The following PCDHA3 variants were observed in gnomAD, a reference collection of about 807,000 sequenced individuals.
PCDHA3 encodes the protein protocadherin alpha-3.
Under a neutral mutation model 62.2 loss-of-function variants are expected in PCDHA3, and 41 were observed. The observed-to-expected ratio is 0.66, with a 90% CI of 0.51 to 0.86. The LOEUF (loss-of-function observed/expected upper bound fraction) is 0.86, where lower values mean the gene tolerates loss of function less well. Ranked by LOEUF, PCDHA3 falls within the 40% of genes least tolerant of loss-of-function variation. The pLI, the probability that PCDHA3 is intolerant of heterozygous loss-of-function variation, is 0.00. For missense variants in PCDHA3, 1,304 were observed against 1,241.2 expected, an observed-to-expected ratio of 1.05 and a Z score of -0.76; for synonymous variants, 640 against 555.4, an observed-to-expected ratio of 1.15 and a Z score of -2.14.
intron 1 of PCDHA3, among the ~76,000 whole-genome samples, chr5:140,965,644 G>A (rs201197561): frequency 6.6e-6 from 1 of 152,028 alleles, no homozygotes; most frequent in African/African-American, 2.4e-5. Flanking sequence ...AATTACTCTT[G>A]AAAGAAAATG....
chr5:140,857,133 C>T, intron 1 of PCDHA3: 3 of 1,598,212 alleles, frequency 1.9e-6, no homozygotes, highest in South Asian at 1.1e-5. Flanking sequence ...AAAGAAGATG[C>T]TCAAGTGGGC....
At chr5:141,002,555 A>T (rs1349538713) in intron 3 of PCDHA3, among the ~76,000 whole-genome samples, 1 of 152,222 alleles carries the variant, frequency 6.6e-6, no homozygotes, top group African/African-American at 2.4e-5. Flanking sequence ...CCCAGGATCC[A>T]CCAGTTAGTG....
rs2150499479 is a variant in PCDHA3 at position 140,850,817 on chromosome 5, G to C, written c.2394+47226G>C. ...AGACCGACCTCATGGCCTTCAGCCC[G>C]GGCCTTTCTCCTTGTGCTGGATCTA... On this transcript the variant is annotated intron_variant, in intron 1 of 3. Transcript: ENST00000522353. 44 of 1,598,178 alleles carry C rather than the reference G, an allele frequency of 2.8e-5. 6 individuals carry two copies. The highest frequency in any genetic ancestry group is 1.7e-4 in the South Asian group (15 of 90,550).
chr5:140,969,286 T>C (rs2096315830), intron 1 of PCDHA3: 3 of 1,614,076 alleles, frequency 1.9e-6, no homozygotes, highest in Admixed American at 1.7e-5. Flanking sequence ...GTCAGAATGC[T>C]GGGAACCTGA....
chr5:140,917,942 A>G (rs781844380), intron 1 of PCDHA3, among the ~76,000 whole-genome samples: 5 of 152,048 alleles, frequency 3.3e-5, no homozygotes, highest in African/African-American at 4.8e-5. Flanking sequence ...TAATATTGGT[A>G]GTTTGATAGG....
At chr5:140,815,485 A>C (rs1296934690) in intron 1 of PCDHA3, 1 of 151,992 alleles carries the variant, frequency 6.6e-6, no homozygotes, top group Admixed American at 6.6e-5. Flanking sequence ...TCCCCTACCC[A>C]AATTTTATGT....
At chr5:140,892,350 T>C (rs1195187313) in intron 1 of PCDHA3, among the ~76,000 whole-genome samples, 1 of 152,262 alleles carries the variant, frequency 6.6e-6, no homozygotes, top group Non-Finnish European at 1.5e-5. Context: ...AATTGACTTT[T>C]GCCAGGCATC....
At chr5:140,849,962 G>A in intron 1 of PCDHA3, 1 of 1,597,888 alleles carries the variant, frequency 6.3e-7, no homozygotes, top group Admixed American at 1.7e-5. Context: ...AGAACGCCCT[G>A]GTGTCCTACT....
Position 140,849,058 on chromosome 5 carries a change from A to G in PCDHA3, c.2394+45467A>G, listed in dbSNP as rs2150429611. 41 of 1,550,890 alleles carry G rather than the reference A, an allele frequency of 2.6e-5. 1 individual carries two copies. Among genetic ancestry groups the G allele is most frequent in the Non-Finnish European group, 3.6e-5 (41 of 1,140,546 alleles). On this transcript the variant is annotated intron_variant, in intron 1 of 3. Coordinates refer to ENST00000522353, the MANE Select transcript of PCDHA3 (RefSeq NM_018906.3). ...CTGGACGTGCCAACCAGCAACCAGCAGGTAAAACCTCTTGGACTTGTATTA... is the reference window on the plus strand; with the variant it reads ...CTGGACGTGCCAACCAGCAACCAGCGGGTAAAACCTCTTGGACTTGTATTA...
chr5:140,949,992 G>A (rs2094439293), intron 1 of PCDHA3, among the ~76,000 whole-genome samples: 1 of 151,522 alleles, frequency 6.6e-6, no homozygotes, highest in African/African-American at 2.4e-5. Flanking sequence ...ACTTTTCTCA[G>A]TCCACTTAAT....
chr5:140,899,402 G>A lies in PCDHA3; in HGVS notation c.2395-79547G>A, dbSNP rs1465071147. On this transcript the variant is annotated intron_variant, in intron 1 of 3. Transcript: ENST00000522353. ...TTTATTGAGAGTTTTTAGCATGAAG[G>A]GTTGTTGAATTTTGTCAAAGGTCTT... Among the ~76,000 whole-genome samples, 5 of 152,122 alleles carry A rather than the reference G, an allele frequency of 3.3e-5. No individual in the cohort carries two copies. The East Asian group carries it at 7.7e-4, about 24-fold the overall frequency.
At chr5:141,000,412 TATA>T (rs2097919742) in intron 3 of PCDHA3, among the ~76,000 whole-genome samples, 3 of 102,806 alleles carry the variant, frequency 2.9e-5, no homozygotes, top group African/African-American at 7.7e-5. Flanking sequence ...TATATATATA[TATA>T]TATATATTTT....
chr5:140,856,991 T>C, intron 1 of PCDHA3: 1 of 1,595,770 alleles, frequency 6.3e-7, no homozygotes, highest in Non-Finnish European at 8.6e-7. Flanking sequence ...CAGTAACACT[T>C]ATGAAATTCA....
intron 1 of PCDHA3, chr5:140,850,998 C>T (rs1333674670): frequency 6.9e-7 from 1 of 1,440,098 alleles, no homozygotes; most frequent in Non-Finnish European, 9.2e-7. Context: ...TCTAGAAATC[C>T]AGCAGATTTT....
At chr5:140,874,041 G>C (rs1385679236) in intron 1 of PCDHA3, among the ~76,000 whole-genome samples, 1 of 152,212 alleles carries the variant, frequency 6.6e-6, no homozygotes, top group African/African-American at 2.4e-5. Flanking sequence ...GAAACTTGGT[G>C]ATGATATTAG....
At chr5:140,824,177 T>A (rs2150132982) in intron 1 of PCDHA3, 1 of 1,609,658 alleles carries the variant, frequency 6.2e-7, no homozygotes, top group Admixed American at 1.7e-5. Context: ...TTTTCAAATA[T>A]TAAATGTCAC....
At chr5:140,916,417 A>G (rs2077566178) in intron 1 of PCDHA3, among the ~76,000 whole-genome samples, 1 of 152,246 alleles carries the variant, frequency 6.6e-6, no homozygotes. Flanking sequence ...AAGTCAGCAC[A>G]TCTCAGAACC....
chr5:140,850,376 C>G (rs2041562813), intron 1 of PCDHA3: 1 of 1,597,960 alleles, frequency 6.3e-7, no homozygotes, highest in Non-Finnish European at 8.6e-7. Flanking sequence ...TGGGGCTGTA[C>G]ACGGGCGAGA....
intron 1 of PCDHA3, among the ~76,000 whole-genome samples, chr5:140,833,428 T>C (rs1554133831): frequency 1.3e-5 from 2 of 152,196 alleles, no homozygotes; most frequent in African/African-American, 4.8e-5. Context: ...GTGAGATGGC[T>C]GAGCACTGAA....
Sources: gnomAD v4.1 joint callset for allele counts (sites outside exome capture counted in the v4.1 genomes callset) on GRCh38, gnomAD v4.1.1 for gene constraint, MANE v1.5 for transcripts, NCBI Gene and HGNC (gene_info 2026-07-23, HGNC 2026-07-21) for gene names.